The following DLGAP2 variants were observed in gnomAD, a reference collection of about 807,000 sequenced individuals.
DLGAP2 encodes the protein disks large-associated protein 2.
DLGAP2 carries 26 observed loss-of-function variants against 100.3 expected under a neutral mutation model. That is an observed-to-expected ratio of 0.26 (90% CI 0.19 to 0.36). The LOEUF (loss-of-function observed/expected upper bound fraction) is 0.36, where lower values mean the gene tolerates loss of function less well. Among genes scored for constraint, DLGAP2 ranks in the 10% least tolerant of loss-of-function variants. DLGAP2 has a pLI of 1.00. For synonymous variants in DLGAP2, 886 were observed against 630.1 expected, an observed-to-expected ratio of 1.41 and a Z score of -6.08; for missense variants, 1,858 against 1,453.2, an observed-to-expected ratio of 1.28 and a Z score of -4.53.
intron 2 of DLGAP2, among the ~76,000 whole-genome samples, chr8:1,131,499 C>A (rs545115418): frequency 1.3e-5 from 2 of 152,302 alleles, no homozygotes; most frequent in African/African-American, 4.8e-5. Context: ...GGGTTCTCCA[C>A]CACCCACATA....
chr8:1,488,750 T>G (rs1799293931), intron 3 of DLGAP2, among the ~76,000 whole-genome samples: 2 of 152,188 alleles, frequency 1.3e-5, no homozygotes, highest in African/African-American at 4.8e-5. Context: ...TGACGACGTT[T>G]TATCTTCTGC....
At chr8:831,561 C>A (rs145150747) in intron 1 of DLGAP2, among the ~76,000 whole-genome samples, 6,280 of 152,238 alleles carry the variant, frequency 0.041, 201 homozygotes, top group African/African-American at 0.081. Flanking sequence ...TTTTTAATGG[C>A]TGCATAATAT....
chr8:1,632,806 G>A (rs760904358), intron 7 of DLGAP2, 21 bp from the exon 8 acceptor site: 28 of 1,586,562 alleles, frequency 1.8e-5, no homozygotes, highest in East Asian at 1.3e-4. Flanking sequence ...GGGGCATCAC[G>A]TGTGCTGTTG....
intron 6 of DLGAP2, among the ~76,000 whole-genome samples, chr8:1,571,499 G>A (rs1802678707): frequency 2.1e-5 from 3 of 144,594 alleles, no homozygotes; most frequent in Admixed American, 2.1e-4. Flanking sequence ...AGAGGAGAAA[G>A]GGGTGAACTG....
At chr8:1,251,134 T>C (rs1027562650) in intron 2 of DLGAP2, among the ~76,000 whole-genome samples, 8 of 152,192 alleles carry the variant, frequency 5.3e-5, no homozygotes, top group Admixed American at 2.0e-4. Context: ...CCCTAACCCG[T>C]GCAACAAGCA....
At chr8:1,674,210 G>A (rs1466497650) in intron 10 of DLGAP2, among the ~76,000 whole-genome samples, 1 of 151,994 alleles carries the variant, frequency 6.6e-6, no homozygotes, top group East Asian at 1.9e-4. Flanking sequence ...CTACCACTCA[G>A]CTAATTTCTT....
At chr8:1,057,551 A>C (rs575169572) in intron 2 of DLGAP2, among the ~76,000 whole-genome samples, 2 of 152,216 alleles carry the variant, frequency 1.3e-5, no homozygotes, top group African/African-American at 2.4e-5. Flanking sequence ...TGGCTGTGCT[A>C]TCTCTTGATT....
intron 2 of DLGAP2, among the ~76,000 whole-genome samples, chr8:1,027,765 G>C (rs1462848430): frequency 7.9e-4 from 99 of 124,618 alleles, no homozygotes; most frequent in African/African-American, 2.8e-3. Flanking sequence ...TTCTCCAGGT[G>C]GGGTGTCAGG....
intron 2 of DLGAP2, among the ~76,000 whole-genome samples, chr8:1,156,659 C>G (rs372549819): frequency 6.6e-6 from 1 of 152,084 alleles, no homozygotes; most frequent in Non-Finnish European, 1.5e-5. Context: ...CCCAGCCCAG[C>G]GCCCCAGCTT....
chr8:946,495 C>T (rs1406714586), intron 2 of DLGAP2, among the ~76,000 whole-genome samples: 8 of 152,016 alleles, frequency 5.3e-5, no homozygotes, highest in Admixed American at 3.3e-4. Flanking sequence ...GATCTCCTGA[C>T]CTTGTGATCT....
chr8:1,557,354 T>G (rs1326919262), intron 5 of DLGAP2, among the ~76,000 whole-genome samples: 1 of 151,918 alleles, frequency 6.6e-6, no homozygotes, highest in African/African-American at 2.4e-5. Flanking sequence ...TCCCTCAGGG[T>G]CCCGGAAAGA....
In DLGAP2 at chr8:1,094,837, G is replaced by A. The variant is rs899992113; in HGVS notation, c.74-164014G>A. On this transcript the variant is annotated intron_variant, in intron 2 of 14. Transcript: ENST00000637795. ...TGTTAGAATGTACTGAGAGTATACA[G>A]GGATTATCCAAGCAAACGTCCTGAC... Among the ~76,000 whole-genome samples the A allele has an allele frequency of 2.6e-5, 4 of 152,242 alleles. No homozygotes were observed. In the South Asian group the frequency reaches 8.3e-4, roughly 31 times the overall value.
chr8:1,522,349 G>A (rs1030217574), intron 4 of DLGAP2, among the ~76,000 whole-genome samples: 4 of 152,234 alleles, frequency 2.6e-5, no homozygotes, highest in African/African-American at 9.6e-5. Flanking sequence ...AGCCGAAACA[G>A]CTGAGTGCAT....
intron 2 of DLGAP2, among the ~76,000 whole-genome samples, chr8:961,986 C>T (rs560048837): frequency 6.6e-6 from 1 of 152,164 alleles, no homozygotes; most frequent in East Asian, 1.9e-4. Context: ...CCAGTGTGGC[C>T]ATCCACACAG....
rs369414990 is a variant in DLGAP2, at chr8:1,455,840, G to T, written c.107-45526G>T. 8.5e-5 allele frequency among the ~76,000 whole-genome samples: 13 copies of T among 152,298 alleles called. 1 individual carries two copies. The highest frequency in any genetic ancestry group is 5.8e-4 in the East Asian group (3 of 5,164). On this transcript the variant is annotated intron_variant, in intron 3 of 14. Coordinates refer to ENST00000637795, the MANE Select transcript of DLGAP2 (RefSeq NM_001346810.2). ...CAGCAAGGCTGCAGCGTTCCAGGCA[G>T]ACCACAGACTCCAGGACGGCAGGCG...
chr8:953,169 A>G lies in DLGAP2; in HGVS notation c.73+45203A>G, dbSNP rs568614908. 2.3e-4 allele frequency among the ~76,000 whole-genome samples: 35 copies of G among 152,290 alleles called. No homozygotes were observed. In the South Asian group the frequency reaches 7.3e-3, roughly 32 times the overall value. ...CTGGCTCATGGTGTTAAATACAGAT[A>G]TTCGAAATTTCTATGTTTCTTTTTT... On this transcript the variant is annotated intron_variant, in intron 2 of 14. Transcript: ENST00000637795.
At chr8:1,120,014 G>C (rs10503161) in intron 2 of DLGAP2, among the ~76,000 whole-genome samples, 39,878 of 152,106 alleles carry the variant, frequency 0.26, 5,328 homozygotes, top group Admixed American at 0.32. Context: ...TGAAAAATGA[G>C]TCTGCTGGCA....
At position 1,162,484 on chromosome 8, in the gene DLGAP2, C is replaced by G. The variant is rs140802420; in HGVS notation, c.74-96367C>G. 3.7e-4 allele frequency among the ~76,000 whole-genome samples: 57 copies of G among 152,304 alleles called. 1 individual carries two copies. The highest frequency in any genetic ancestry group is 2.7e-3 in the East Asian group (14 of 5,178). The stretch of plus-strand genomic sequence containing the variant: ...AATATGCAACTCACTGCTAGCATCA[C>G]TAGGAACAGAGACCATAAATACAGA... On this transcript the variant is annotated intron_variant, in intron 2 of 14. Coordinates refer to ENST00000637795, the MANE Select transcript of DLGAP2 (RefSeq NM_001346810.2).
chr8:1,203,737 C>G (rs935929663), intron 2 of DLGAP2, among the ~76,000 whole-genome samples: 4 of 152,222 alleles, frequency 2.6e-5, no homozygotes, highest in Non-Finnish European at 5.9e-5. Flanking sequence ...GATTTCTCCA[C>G]TCTCACTTTA....
Sources: gnomAD v4.1 joint callset for allele counts (sites outside exome capture counted in the v4.1 genomes callset) on GRCh38, gnomAD v4.1.1 for gene constraint, MANE v1.5 for transcripts, NCBI Gene and HGNC (gene_info 2026-07-23, HGNC 2026-07-21) for gene names.